Variants in FRY observed in about 807,000 individuals in gnomAD.
FRY encodes the protein protein furry homolog.
A neutral mutation model predicts 348.4 loss-of-function variants in FRY; 128 were observed. That is an observed-to-expected ratio of 0.37 (90% confidence interval 0.32 to 0.43). The LOEUF is 0.43. Among genes scored for constraint, FRY ranks in the 20% least tolerant of loss-of-function variants. The pLI is 1.00. For missense variants in FRY, 2,736 were observed against 3,695.2 expected (o/e 0.74, Z 6.73); for synonymous variants, 1,370 against 1,374.7 (o/e 1.00, Z 0.08).
chr13:32,238,016 A>C, intron 44 of FRY, 30 bp downstream of exon 44: 1 of 1,609,208 alleles, frequency 6.2e-7, no homozygotes, highest in Non-Finnish European at 8.5e-7. Context: ...CCCTGTCTCA[A>C]TTCTGATGGT....
At chr13:32,165,169 A>G (rs567331012) in intron 17 of FRY, among the ~76,000 whole-genome samples, 1 of 152,340 alleles carries the variant, frequency 6.6e-6, no homozygotes, top group African/African-American at 2.4e-5. Flanking sequence ...CATTGGTTTT[A>G]TGCAAAATAA....
intron 8 of FRY, among the ~76,000 whole-genome samples, chr13:32,134,017 G>A (rs764903555): frequency 1.3e-5 from 2 of 151,968 alleles, no homozygotes; most frequent in East Asian, 1.9e-4. Flanking sequence ...GGGCTCAAAC[G>A]ATCTGCCTGC....
intron 11 of FRY, among the ~76,000 whole-genome samples, chr13:32,145,233 C>A (rs932724585): frequency 6.6e-6 from 1 of 152,084 alleles, no homozygotes; most frequent in African/African-American, 2.4e-5. Flanking sequence ...GAGAAACTAC[C>A]GATTCTGTGA....
rs545667611 is a variant in FRY at position 32,288,906 on chromosome 13, T to A, written c.8470-727T>A. Among the ~76,000 whole-genome samples the A allele has an allele frequency of 2.0e-5, 3 of 152,336 alleles. No individual in the cohort carries two copies. The South Asian group carries it at 6.2e-4, about 32-fold the overall frequency. On this transcript the variant is annotated intron_variant, in intron 58 of 60. Transcript: ENST00000542859. ...GTCTTGTCACTGGCATTGGAATTGT[T>A]ATTTTTCCCTCATACTATACATAAG...
At chr13:32,273,294 TCAC>T (rs1888303396) in intron 55 of FRY, among the ~76,000 whole-genome samples, 1 of 149,198 alleles carries the variant, frequency 6.7e-6, no homozygotes, top group South Asian at 2.1e-4. Flanking sequence ...CAATCTCGGC[TCAC>T]TGCAGGCTCC....
At chr13:32,254,609 A>C (rs1224040072) in intron 51 of FRY, among the ~76,000 whole-genome samples, 2 of 152,200 alleles carry the variant, frequency 1.3e-5, no homozygotes, top group Admixed American at 1.3e-4. Flanking sequence ...AAAGCTGCCA[A>C]GTTATTTCTA....
chr13:32,102,873 A>G (rs1877256679), intron 3 of FRY, among the ~76,000 whole-genome samples: 1 of 152,230 alleles, frequency 6.6e-6, no homozygotes, highest in Non-Finnish European at 1.5e-5. Flanking sequence ...AACGTCAGAC[A>G]CAAAATACTG....
intron 35 of FRY, among the ~76,000 whole-genome samples, chr13:32,216,058 A>G (rs1247955490): frequency 2.6e-5 from 4 of 152,200 alleles, no homozygotes; most frequent in African/African-American, 9.7e-5. Context: ...ATTAACTATC[A>G]GTTATCTAAG....
At position 32,163,598 on chromosome 13, in the gene FRY, CA is replaced by C. The variant is rs777297037; in HGVS notation, c.1892+2348del. Among the ~76,000 whole-genome samples, 64 of 152,300 alleles carry C rather than the reference CA, an allele frequency of 4.2e-4. 1 individual carries two copies. The East Asian group carries it at 6.2e-3, about 15-fold the overall frequency. ...TAGAAGTCTAATTGGTGATTATATA[CA>C]CTGAGGCCTTTGAAGTACCAAGTTT... is the stretch of plus-strand genomic sequence containing the variant. On this transcript the variant is annotated intron_variant, in intron 17 of 60. Coordinates refer to ENST00000542859, the MANE Select transcript of FRY (RefSeq NM_023037.3).
chr13:32,279,365 C>A (rs910186650), intron 58 of FRY, among the ~76,000 whole-genome samples: 1 of 152,208 alleles, frequency 6.6e-6, no homozygotes, highest in African/African-American at 2.4e-5. Flanking sequence ...GGGAACCAGG[C>A]CTTTCCAAGA....
chr13:32,251,978 AT>A lies in FRY; in HGVS notation c.7245+30del. 3 of 1,488,890 alleles carry A rather than the reference AT, an allele frequency of 2.0e-6. No homozygotes were observed. The South Asian group carries it at 3.4e-5, about 17-fold the overall frequency. The allele number at this position is 1,488,890 out of a possible 1,614,324, so 92.2% of individuals were successfully genotyped here. On this transcript the variant is annotated intron_variant, in intron 50 of 60. Transcript: ENST00000542859. ...GTAAGTTCTGTCATGTGTCATAGTTATTTTGGTGTCATATCTCCTTTTTCAT... is the reference window on the plus strand; with the variant it reads ...GTAAGTTCTGTCATGTGTCATAGTTATTTGGTGTCATATCTCCTTTTTCAT...
intron 3 of FRY, among the ~76,000 whole-genome samples, chr13:32,113,481 A>T (rs1259757410): frequency 6.6e-6 from 1 of 152,244 alleles, no homozygotes; most frequent in African/African-American, 2.4e-5. Context: ...TAAACATTAA[A>T]ACATTTACAA....
intron 46 of FRY, among the ~76,000 whole-genome samples, chr13:32,240,198 GATA>G (rs1886427091): frequency 6.6e-6 from 1 of 152,180 alleles, no homozygotes; most frequent in Non-Finnish European, 1.5e-5. Context: ...CAGTGATGTA[GATA>G]ATATCATACA....
intron 39 of FRY, among the ~76,000 whole-genome samples, chr13:32,226,297 A>G (rs1350149684): frequency 2.0e-5 from 3 of 152,218 alleles, no homozygotes; most frequent in African/African-American, 7.2e-5. Flanking sequence ...CCGAAGGATG[A>G]GAACACACAA....
At chr13:32,036,749 G>GAA (rs796779111) in intron 1 of FRY, among the ~76,000 whole-genome samples, 32 of 130,710 alleles carry the variant, frequency 2.4e-4, no homozygotes, top group Non-Finnish European at 3.8e-4. Context: ...CATTTTCGAT[G>GAA]AAAAAAAAAA....
chr13:32,098,432 A>T (rs1448931413), intron 2 of FRY, among the ~76,000 whole-genome samples: 1 of 151,990 alleles, frequency 6.6e-6, no homozygotes, highest in African/African-American at 2.4e-5. Flanking sequence ...CCTAGCAGGG[A>T]TGGTGCTCGG....
chr13:32,085,870 G>A (rs373160437), intron 2 of FRY: 57 of 518,860 alleles, frequency 1.1e-4, no homozygotes, highest in Admixed American at 3.5e-4. Context: ...CACAACCACA[G>A]CTCCTTTCAG....
chr13:32,076,839 C>T (rs550805262), intron 1 of FRY, among the ~76,000 whole-genome samples: 4 of 151,992 alleles, frequency 2.6e-5, no homozygotes, highest in Non-Finnish European at 5.9e-5. Flanking sequence ...ATTACAGGGC[C>T]GACCCTAGAC....
intron 41 of FRY, among the ~76,000 whole-genome samples, chr13:32,233,900 G>A (rs754294751): frequency 6.6e-6 from 1 of 152,174 alleles, no homozygotes; most frequent in Non-Finnish European, 1.5e-5. Flanking sequence ...CCCAGAGTTA[G>A]AAAGCCTCTG....
Sources: gnomAD v4.1 joint callset for allele counts (sites outside exome capture counted in the v4.1 genomes callset) on GRCh38, gnomAD v4.1.1 for gene constraint, MANE v1.5 for transcripts, NCBI Gene and HGNC (gene_info 2026-07-23, HGNC 2026-07-21) for gene names.